The following SARAF variants were observed in gnomAD, a reference collection of about 807,000 sequenced individuals.
SARAF encodes store-operated calcium entry associated regulatory factor, also known as store-operated calcium entry-associated regulatory factor.
A neutral mutation model predicts 39.7 loss-of-function variants in SARAF; 23 were observed. The ratio of observed to expected loss-of-function variants is 0.58; its 90% CI spans 0.42 to 0.82. SARAF has a LOEUF of 0.82. SARAF is among the 40% of genes least tolerant of loss of function. The pLI, the probability that SARAF is intolerant of heterozygous loss-of-function variation, is 0.00. For synonymous variants in SARAF, 175 were observed against 168.5 expected (o/e 1.04, Z -0.30); for missense variants, 384 against 418.5 (o/e 0.92, Z 0.72).
At position 30,083,025 on chromosome 8, in the gene SARAF, G is replaced by T; in HGVS notation, c.-76C>A. On this transcript the variant is annotated 5_prime_UTR_variant, in exon 1 of 6. Transcript: ENST00000256255. ...TGGGTGCGGTAGCGCGCGCGACGCTGCGCAGCTACACCGCTACCCCTGGCG... is the reference window on the plus strand; with the variant it reads ...TGGGTGCGGTAGCGCGCGCGACGCTTCGCAGCTACACCGCTACCCCTGGCG... The T allele has an allele frequency of 8.8e-7, 1 of 1,134,238 alleles. No homozygotes were observed. The highest frequency in any genetic ancestry group is 1.2e-6 in the Non-Finnish European group (1 of 805,356). 70.3% of individuals were successfully genotyped at this position (1,134,238 alleles called of 1,614,324 possible). A position where few individuals can be genotyped will look rare whatever the true frequency, so the allele number is the denominator to read the frequency against.
intron 1 of SARAF, 42 bp downstream of exon 1, chr8:30,082,804 GA>G (rs1171910959): frequency 9.2e-6 from 13 of 1,413,692 alleles, no homozygotes; most frequent in African/African-American, 3.0e-5. Context: ...GACGGCGGCG[GA>G]AAAGGGCGAA....
intron 3 of SARAF, among the ~76,000 whole-genome samples, chr8:30,067,296 G>A (rs949851839): frequency 6.6e-6 from 1 of 152,178 alleles, no homozygotes; most frequent in African/African-American, 2.4e-5. Context: ...GTCTCTAACC[G>A]AGGAATCCAA....
chr8:30,063,018 C>A lies in SARAF; in HGVS notation c.*870G>T, dbSNP rs541602511. The A allele has an allele frequency of 1.2e-4, 19 of 152,134 alleles. No homozygotes were observed. Among genetic ancestry groups the A allele is most frequent in the Admixed American group, 6.5e-5 (1 of 15,278 alleles). 9.4% of individuals were successfully genotyped at this position (152,134 alleles called of 1,614,324 possible). A position where few individuals can be genotyped will look rare whatever the true frequency, so the allele number is the denominator to read the frequency against. On this transcript the variant is annotated 3_prime_UTR_variant, in exon 6 of 6. Transcript: ENST00000256255. Reference sequence around the variant, plus strand: ...GAGACAGAACTTCTGCATGAACTTTCCCCTTTGGGAAAAAGGGTTTAAAAA... The same window carrying A: ...GAGACAGAACTTCTGCATGAACTTTACCCTTTGGGAAAAAGGGTTTAAAAA...
At position 30,073,991 on chromosome 8, in the gene SARAF, G is replaced by A; in HGVS notation, c.168C>T (p.Arg56=). Residue 56 remains arginine (R), a synonymous_variant, in exon 2 of 6, where the codon CGC becomes CGT. Transcript: ENST00000256255. ...TLHYDRYTTS[R]RLDPIPQLKC... ...TCAACTGTGGGATGGGATCCAGCCTGCGGGAGGTGGTATAGCGGTCATAGT... is the reference window on the plus strand; with the variant it reads ...TCAACTGTGGGATGGGATCCAGCCTACGGGAGGTGGTATAGCGGTCATAGT... 1 of 1,614,218 alleles carries A rather than the reference G, an allele frequency of 6.2e-7. No homozygotes were observed. Among genetic ancestry groups the A allele is most frequent in the Non-Finnish European group, 8.5e-7 (1 of 1,180,050 alleles).
At position 30,082,890 on chromosome 8, in the gene SARAF, C is replaced by CA; in HGVS notation, c.59dup (p.Leu20PhefsTer16). ...GGGCAGGGCCCGCGGTCAGCAGAAACAAATGCAAGCCGAGGAGCAAGCAGT... is the reference window on the plus strand; with the variant it reads ...GGGCAGGGCCCGCGGTCAGCAGAAACAAAATGCAAGCCGAGGAGCAAGCAGT... On this transcript the variant is annotated frameshift_variant, in exon 1 of 6. Transcript: ENST00000256255. LOFTEE classifies it high-confidence loss of function. The CA allele has an allele frequency of 1.9e-6, 3 of 1,562,600 alleles. No homozygotes were observed. Among genetic ancestry groups the CA allele is most frequent in the Non-Finnish European group, 2.6e-6 (3 of 1,155,366 alleles).
intron 1 of SARAF, chr8:30,078,364 T>C: frequency 2.8e-6 from 1 of 356,738 alleles, no homozygotes; most frequent in South Asian, 2.1e-5. Flanking sequence ...GCCCAACAAA[T>C]ACCCAGGCCT....
chr8:30,078,139 C>CAAA (rs71204258), intron 1 of SARAF: 13,998 of 208,482 alleles, frequency 0.067, 111 homozygotes, highest in South Asian at 0.11. Context: ...GACTCCGTCT[C>CAAA]AAAAAAAAAA....
intron 3 of SARAF, 96 bp downstream of exon 3, chr8:30,069,546 G>T: frequency 1.6e-6 from 2 of 1,242,746 alleles, no homozygotes; most frequent in Non-Finnish European, 1.1e-6. Context: ...AACCTCCTTT[G>T]GTTTCCCAAT....
At chr8:30,073,596 C>CT in intron 2 of SARAF, 1 of 306,278 alleles carries the variant, frequency 3.3e-6, no homozygotes, top group Non-Finnish European at 6.1e-6. Context: ...AAGATATCCC[C>CT]TATCCCTCAC....
intron 1 of SARAF, among the ~76,000 whole-genome samples, chr8:30,075,981 T>TAAAAAA (rs1491525634): frequency 1.4e-4 from 1 of 7,370 alleles, no homozygotes; most frequent in Non-Finnish European, 4.0e-4. Context: ...ACAGAATCCC[T>TAAAAAA]AAAAAAAAAC....
Position 30,069,038 on chromosome 8 carries a change from T to C in SARAF, c.700+604A>G, listed in dbSNP as rs569604133. Among the ~76,000 whole-genome samples the C allele has an allele frequency of 9.2e-5, 14 of 152,218 alleles. No individual in the cohort carries two copies. The South Asian group carries it at 2.9e-3, about 32-fold the overall frequency. On this transcript the variant is annotated intron_variant, in intron 3 of 5. Transcript: ENST00000256255. ...AGATTTATAATACTTAAAGAATTAA[T>C]TTTTATGTATAGTGTGAGACAGGAG...
At chr8:30,065,494 C>A (rs571116623) in intron 5 of SARAF, among the ~76,000 whole-genome samples, 1 of 152,294 alleles carries the variant, frequency 6.6e-6, no homozygotes, top group African/African-American at 2.4e-5. Context: ...TCATGGCCTC[C>A]TTACCCAGCA....
At chr8:30,064,551 A>ATTTTTTTTTTTTTTTT (rs1387887357) in intron 5 of SARAF, among the ~76,000 whole-genome samples, 1 of 46,130 alleles carries the variant, frequency 2.2e-5, no homozygotes, top group Non-Finnish European at 3.7e-5. Context: ...ATATATATAT[A>ATTTTTTTTTTTTTTTT]TATATATATA....
At chr8:30,065,839 T>C in intron 5 of SARAF, 149 bp downstream of exon 5, 1 of 853,030 alleles carries the variant, frequency 1.2e-6, no homozygotes, top group Non-Finnish European at 1.9e-6. Context: ...TGTTTAAAAG[T>C]GGGATCTCAG....
Position 30,064,555 on chromosome 8 carries a change from A to ATTTTTTTT in SARAF, c.995-643_995-642insAAAAAAAA, listed in dbSNP as rs1402020823. 8.2e-4 allele frequency among the ~76,000 whole-genome samples: 43 copies of ATTTTTTTT among 52,502 alleles called. No individual in the cohort carries two copies. The East Asian group carries it at 8.2e-3, about 10-fold the overall frequency. The allele number at this position is 52,502 out of a possible 152,430, so 34.4% of individuals were successfully genotyped here. A position where few individuals can be genotyped will look rare whatever the true frequency, so the allele number is the denominator to read the frequency against. On this transcript the variant is annotated intron_variant, in intron 5 of 5. Coordinates refer to ENST00000256255, the MANE Select transcript of SARAF (RefSeq NM_016127.6). ...TAGCCATATATATATATATATATAT[A>ATTTTTTTT]TATATATTTTTTTTTTTTTTTTTTG...
At chr8:30,080,592 ACT>A (rs1802075225) in intron 1 of SARAF, among the ~76,000 whole-genome samples, 1 of 152,230 alleles carries the variant, frequency 6.6e-6, no homozygotes, top group African/African-American at 2.4e-5. Flanking sequence ...GAGGCAAGAC[ACT>A]GTTTTGTTCA....
intron 2 of SARAF, 41 bp from the exon 3 acceptor site, chr8:30,070,100 T>A (rs1305706319): frequency 2.7e-6 from 4 of 1,488,166 alleles, no homozygotes; most frequent in Non-Finnish European, 3.6e-6. Flanking sequence ...AAACAAACAT[T>A]TTTTTCATTT....
chr8:30,081,811 G>A (rs997912298), intron 1 of SARAF, among the ~76,000 whole-genome samples: 2 of 151,008 alleles, frequency 1.3e-5, no homozygotes, highest in African/African-American at 2.4e-5. Flanking sequence ...CTGTATCTAA[G>A]TATATAGACA....
chr8:30,078,354 G>A, intron 1 of SARAF: 1 of 403,836 alleles, frequency 2.5e-6, no homozygotes, highest in Non-Finnish European at 4.8e-6. Flanking sequence ...TACTGAAAGG[G>A]CCCAACAAAT....
Sources: allele counts gnomAD v4.1 joint callset (sites outside exome capture counted in the v4.1 genomes callset), GRCh38; gene constraint gnomAD v4.1.1; transcripts MANE v1.5; gene names NCBI Gene and HGNC (gene_info 2026-07-23, HGNC 2026-07-21).